The following COL19A1 variants were observed in gnomAD, a reference collection of about 807,000 sequenced individuals.
COL19A1 encodes collagen alpha-1(XIX) chain.
COL19A1 carries 159 observed loss-of-function variants against 190.2 expected under a neutral mutation model. That is an observed-to-expected ratio of 0.84 (90% CI 0.73 to 0.95). The LOEUF (loss-of-function observed/expected upper bound fraction) is 0.95. Ranked by LOEUF, COL19A1 falls within the 40% of genes least tolerant of loss-of-function variation. COL19A1 has a pLI of 0.00. For synonymous variants in COL19A1, 509 were observed against 458.9 expected (o/e 1.11, Z -1.39); for missense variants, 1,418 against 1,431.9 (o/e 0.99, Z 0.16).
At chr6:69,904,927 A>G (rs1188331881) in intron 4 of COL19A1, among the ~76,000 whole-genome samples, 1 of 151,276 alleles carries the variant, frequency 6.6e-6, no homozygotes, top group East Asian at 2.0e-4. Context: ...AGAAATGCCC[A>G]TCCAACTCTG....
intron 11 of COL19A1, among the ~76,000 whole-genome samples, chr6:69,963,234 A>T (rs1008095960): frequency 1.3e-4 from 20 of 152,284 alleles, no homozygotes; most frequent in Middle Eastern, 6.8e-3. Context: ...TATCAGTGGA[A>T]TTTTTTTCCT....
At chr6:70,029,816 C>G (rs1465530739) in intron 12 of COL19A1, among the ~76,000 whole-genome samples, 3 of 152,154 alleles carry the variant, frequency 2.0e-5, no homozygotes, top group African/African-American at 7.2e-5. Context: ...ATCCATCAAA[C>G]TGGTATAAAG....
At chr6:70,128,950 A>T (rs1451863606) in intron 17 of COL19A1, among the ~76,000 whole-genome samples, 1 of 152,226 alleles carries the variant, frequency 6.6e-6, no homozygotes, top group Non-Finnish European at 1.5e-5. Flanking sequence ...TTTTAAAGGG[A>T]TGGCTCCCAG....
chr6:70,076,857 A>G (rs1781913773), intron 15 of COL19A1, among the ~76,000 whole-genome samples: 1 of 152,224 alleles, frequency 6.6e-6, no homozygotes, highest in African/African-American at 2.4e-5. Flanking sequence ...ATACACCTGC[A>G]TCAGGATCTT....
At chr6:69,903,674 C>T (rs1005419109) in intron 4 of COL19A1, among the ~76,000 whole-genome samples, 1 of 152,230 alleles carries the variant, frequency 6.6e-6, no homozygotes, top group African/African-American at 2.4e-5. Context: ...CCTTCCATAG[C>T]TGGGACCAAA....
chr6:70,162,380 A>T (rs1359529260), intron 35 of COL19A1, among the ~76,000 whole-genome samples: 1 of 152,146 alleles, frequency 6.6e-6, no homozygotes, highest in African/African-American at 2.4e-5. Flanking sequence ...TATAAAATAA[A>T]ATACCTCTAT....
At position 70,068,450 on chromosome 6, in the gene COL19A1, G is replaced by A. The variant is rs1394899189; in HGVS notation, c.1198G>A (p.Gly400Ser). 1.2e-6 allele frequency: 2 copies of A among 1,601,092 alleles called. No individual in the cohort carries two copies. Among genetic ancestry groups the A allele is most frequent in the Non-Finnish European group, 8.6e-7 (1 of 1,169,474 alleles). The change falls in exon 15 of 51, where the codon GGT becomes AGT. Residue 400 changes from glycine (G) to serine (S), a missense_variant. By Grantham distance (56) the Gly-to-Ser change is moderately conservative. Coordinates refer to ENST00000620364, the MANE Select transcript of COL19A1 (RefSeq NM_001858.6). ...PGSLGIQGPQ[G>S]PPGKEGQRGR... ...TTCCCTGGGGATACAAGGCCCCCAAGGTCCACCTGGAAAAGAGGGTCAGAG... is the reference window on the plus strand; with the variant it reads ...TTCCCTGGGGATACAAGGCCCCCAAAGTCCACCTGGAAAAGAGGGTCAGAG...
intron 15 of COL19A1, among the ~76,000 whole-genome samples, chr6:70,090,225 C>T (rs769817350): frequency 7.9e-5 from 12 of 151,958 alleles, no homozygotes; most frequent in Middle Eastern, 3.4e-3. Flanking sequence ...AAATGTTATA[C>T]GGTCAGCTGT....
At chr6:70,157,110 G>A (rs770517685) in intron 34 of COL19A1, among the ~76,000 whole-genome samples, 5 of 152,070 alleles carry the variant, frequency 3.3e-5, no homozygotes, top group Non-Finnish European at 7.4e-5. Context: ...AGCAGTAAGG[G>A]CAGCTCAAGA....
chr6:70,165,877 A>C, intron 36 of COL19A1, 64 bp from the exon 37 acceptor site: 1 of 1,409,296 alleles, frequency 7.1e-7, no homozygotes. Flanking sequence ...TAATTTCAGA[A>C]GATAGTTTGT....
intron 2 of COL19A1, among the ~76,000 whole-genome samples, chr6:69,896,531 G>C (rs566655924): frequency 3.3e-4 from 36 of 108,762 alleles, no homozygotes; most frequent in African/African-American, 1.5e-3. Flanking sequence ...GCGACAGAGC[G>C]AGACTCCGTC....
Position 69,990,065 on chromosome 6 carries a change from A to C in COL19A1, c.1026+27195A>C, listed in dbSNP as rs141724931. Among the ~76,000 whole-genome samples the C allele has an allele frequency of 5.5e-3, 837 of 152,230 alleles. 18 individuals are homozygous for C. The East Asian group carries it at 0.069, about 13-fold the overall frequency. ...ATGATGTATCTCTTTATTTGTGAGC[A>C]TGTGAAGTACCCACTTATAAAGACT... On this transcript the variant is annotated intron_variant, in intron 11 of 50. Coordinates refer to ENST00000620364, the MANE Select transcript of COL19A1 (RefSeq NM_001858.6).
At chr6:70,091,846 T>C (rs1236919118) in intron 15 of COL19A1, among the ~76,000 whole-genome samples, 1 of 152,134 alleles carries the variant, frequency 6.6e-6, no homozygotes, top group African/African-American at 2.4e-5. Flanking sequence ...TTGGATCTGA[T>C]GGGAGCTGAG....
chr6:70,149,563 C>T, intron 27 of COL19A1, 141 bp from the exon 28 acceptor site: 1 of 950,626 alleles, frequency 1.1e-6, no homozygotes, highest in Non-Finnish European at 1.6e-6. Context: ...TCTTGGCCGA[C>T]TTTGCAGTTT....
chr6:69,869,759 AGAAGT>A (rs1451193464), intron 1 of COL19A1, among the ~76,000 whole-genome samples: 1 of 152,218 alleles, frequency 6.6e-6, no homozygotes, highest in Non-Finnish European at 1.5e-5. Flanking sequence ...CATAGTTCAG[AGAAGT>A]GAGTCGGTAA....
chr6:69,951,816 G>GA (rs1199057884), intron 9 of COL19A1, among the ~76,000 whole-genome samples: 2 of 151,632 alleles, frequency 1.3e-5, no homozygotes, highest in South Asian at 2.1e-4. Context: ...GAGAGAGAGG[G>GA]AAAAAAAATT....
In COL19A1 at chr6:69,989,776, C is replaced by T. The variant is rs77665655; in HGVS notation, c.1026+26906C>T. 5.5e-3 allele frequency among the ~76,000 whole-genome samples: 838 copies of T among 152,122 alleles called. 19 individuals are homozygous for T. In the East Asian group the frequency reaches 0.069, roughly 12 times the overall value. ...AATGGTCTAGGTTCAAACCCTGGCT[C>T]TCCCACTTTACTATGTCAAAATACT... On this transcript the variant is annotated intron_variant, in intron 11 of 50. Transcript: ENST00000620364.
Position 70,149,697 on chromosome 6 carries a change from T to C in COL19A1, c.1894-7T>C. On this transcript the variant is annotated splice_polypyrimidine_tract_variant and splice_region_variant and intron_variant, in intron 27 of 50. Coordinates refer to ENST00000620364, the MANE Select transcript of COL19A1 (RefSeq NM_001858.6). Reference sequence around the variant, plus strand: ...AATTTTAATAATAAAATCTCATTTGTACTCAGGGCGCCCAAGGACCAGCTG... The same window carrying C: ...AATTTTAATAATAAAATCTCATTTGCACTCAGGGCGCCCAAGGACCAGCTG... The C allele has an allele frequency of 1.2e-6, 2 of 1,613,390 alleles. No individual in the cohort carries two copies. Among genetic ancestry groups the C allele is most frequent in the Non-Finnish European group, 1.7e-6 (2 of 1,179,674 alleles).
At chr6:70,139,612 A>T (rs1786110994) in intron 19 of COL19A1, among the ~76,000 whole-genome samples, 1 of 152,100 alleles carries the variant, frequency 6.6e-6, no homozygotes, top group Non-Finnish European at 1.5e-5. Flanking sequence ...AACAGGATGT[A>T]GACTTTACTT....
Sources: allele counts gnomAD v4.1 joint callset (sites outside exome capture counted in the v4.1 genomes callset), GRCh38; gene constraint gnomAD v4.1.1; transcripts MANE v1.5; gene names NCBI Gene and HGNC (gene_info 2026-07-23, HGNC 2026-07-21).